The following SLC9C2 variants were observed in gnomAD, a reference collection of about 807,000 sequenced individuals.
SLC9C2 encodes the protein solute carrier family 9 member C2 (putative).
A neutral mutation model predicts 140.2 loss-of-function variants in SLC9C2; 75 were observed. The ratio of observed to expected loss-of-function variants is 0.53; its 90% confidence interval spans 0.44 to 0.65. The LOEUF is 0.65. Ranked by LOEUF, SLC9C2 falls within the 30% of genes least tolerant of loss-of-function variation. The pLI, the probability that SLC9C2 is intolerant of heterozygous loss-of-function variation, is 0.00. For synonymous variants in SLC9C2, 375 were observed against 420.9 expected, an observed-to-expected ratio of 0.89 and a Z score of 1.34; for missense variants, 1,074 against 1,331.8, an observed-to-expected ratio of 0.81 and a Z score of 3.01.
intron 22 of SLC9C2, among the ~76,000 whole-genome samples, chr1:173,518,965 G>A (rs574834654): frequency 1.2e-4 from 19 of 152,176 alleles, no homozygotes; most frequent in African/African-American, 3.6e-4. Context: ...CTGCAGTGAA[G>A]GGACTTTGTA....
At chr1:173,540,317 C>T (rs532632954) in intron 13 of SLC9C2, among the ~76,000 whole-genome samples, 3 of 152,346 alleles carry the variant, frequency 2.0e-5, no homozygotes, top group African/African-American at 7.2e-5. Flanking sequence ...ACAATAGAAT[C>T]ACCTGGATTG....
chr1:173,546,335 C>A (rs1422943957), intron 13 of SLC9C2, among the ~76,000 whole-genome samples: 3 of 152,150 alleles, frequency 2.0e-5, no homozygotes, highest in African/African-American at 7.2e-5. Context: ...AAGTTTGAGA[C>A]CAACCTGGCC....
At chr1:173,565,924 A>G (rs1460201246) in intron 9 of SLC9C2, among the ~76,000 whole-genome samples, 2 of 152,098 alleles carry the variant, frequency 1.3e-5, no homozygotes, top group Non-Finnish European at 2.9e-5. Flanking sequence ...TTCATCATCA[A>G]TTGAAATGAT....
intron 13 of SLC9C2, among the ~76,000 whole-genome samples, chr1:173,539,115 T>G (rs992970308): frequency 2.0e-5 from 3 of 152,208 alleles, no homozygotes; most frequent in African/African-American, 7.2e-5. Flanking sequence ...CCAAACTAAT[T>G]TGAGCATGGA....
intron 27 of SLC9C2, among the ~76,000 whole-genome samples, chr1:173,502,794 G>C (rs1034365358): frequency 2.6e-5 from 4 of 152,116 alleles, no homozygotes; most frequent in Non-Finnish European, 4.4e-5. Flanking sequence ...TAACCTACCA[G>C]TTAAATGAGT....
chr1:173,556,806 T>TG (rs1663737878), intron 10 of SLC9C2, among the ~76,000 whole-genome samples: 1 of 151,698 alleles, frequency 6.6e-6, no homozygotes, highest in Non-Finnish European at 1.5e-5. Flanking sequence ...TGCACACCTG[T>TG]AATCCCAGCT....
At chr1:173,502,004 T>C (rs1463158856) in intron 27 of SLC9C2, among the ~76,000 whole-genome samples, 1 of 152,054 alleles carries the variant, frequency 6.6e-6, no homozygotes, top group Non-Finnish European at 1.5e-5. Context: ...CTGGGCGCGG[T>C]GGCTCACGCC....
intron 13 of SLC9C2, among the ~76,000 whole-genome samples, chr1:173,540,464 A>G (rs1474888732): frequency 2.6e-5 from 4 of 152,218 alleles, no homozygotes; most frequent in Admixed American, 6.5e-5. Flanking sequence ...AAATTAAAAC[A>G]TACTGCATTA....
intron 13 of SLC9C2, among the ~76,000 whole-genome samples, chr1:173,543,883 A>G (rs2102038807): frequency 6.6e-6 from 1 of 152,358 alleles, no homozygotes; most frequent in Admixed American, 6.5e-5. Context: ...TAAATGTTAG[A>G]CCTAAAAACC....
At chr1:173,507,309 C>T (rs996674618) in intron 24 of SLC9C2, among the ~76,000 whole-genome samples, 1 of 151,292 alleles carries the variant, frequency 6.6e-6, no homozygotes, top group Non-Finnish European at 1.5e-5. Flanking sequence ...TTGGCTATGA[C>T]TCAGGAGATT....
intron 22 of SLC9C2, among the ~76,000 whole-genome samples, chr1:173,519,314 C>T (rs964491931): frequency 6.6e-6 from 1 of 151,970 alleles, no homozygotes; most frequent in Non-Finnish European, 1.5e-5. Context: ...GTTCAATAGC[C>T]GTAAAGAATA....
intron 23 of SLC9C2, among the ~76,000 whole-genome samples, chr1:173,515,846 G>T (rs1269700645): frequency 1.3e-5 from 2 of 152,174 alleles, no homozygotes; most frequent in African/African-American, 4.8e-5. Flanking sequence ...TGGGGTTTTT[G>T]TGGGGACTTT....
At chr1:173,573,538 T>C (rs1000721592) in intron 8 of SLC9C2, among the ~76,000 whole-genome samples, 2 of 152,092 alleles carry the variant, frequency 1.3e-5, no homozygotes, top group Admixed American at 6.5e-5. Context: ...CCAATACCCA[T>C]GGGCTGCTTC....
chr1:173,518,784 TG>T (rs1042372229), intron 22 of SLC9C2, among the ~76,000 whole-genome samples: 7 of 152,206 alleles, frequency 4.6e-5, no homozygotes, highest in East Asian at 1.9e-4. Flanking sequence ...AGTTTGAATT[TG>T]TTTTTAATGG....
intron 6 of SLC9C2, 141 bp from the exon 7 acceptor site, chr1:173,582,149 G>T: frequency 1.8e-6 from 1 of 561,256 alleles, no homozygotes; most frequent in Non-Finnish European, 3.0e-6. Flanking sequence ...AAATAGGAGT[G>T]TCTTGTGAAA....
intron 7 of SLC9C2, among the ~76,000 whole-genome samples, chr1:173,578,119 T>C (rs1226590496): frequency 6.6e-6 from 1 of 152,210 alleles, no homozygotes; most frequent in Non-Finnish European, 1.5e-5. Context: ...ATTATCTCCA[T>C]TCCCCCAAAA....
At chr1:173,520,260 G>T (rs544236775) in intron 22 of SLC9C2, among the ~76,000 whole-genome samples, 1 of 152,268 alleles carries the variant, frequency 6.6e-6, no homozygotes, top group East Asian at 1.9e-4. Context: ...TAGAGACAGG[G>T]TTTTGCCATG....
chr1:173,566,167 T>C (rs1319680310), intron 9 of SLC9C2, among the ~76,000 whole-genome samples: 1 of 152,188 alleles, frequency 6.6e-6, no homozygotes, highest in Non-Finnish European at 1.5e-5. Flanking sequence ...TTGTCTGGTG[T>C]TGGTATCAGG....
At chr1:173,577,898 T>C (rs1378296139) in intron 7 of SLC9C2, among the ~76,000 whole-genome samples, 1 of 152,142 alleles carries the variant, frequency 6.6e-6, no homozygotes, top group East Asian at 1.9e-4. Context: ...TTAACTGAAT[T>C]TACTTTAAAT....
Sources: gnomAD v4.1 joint callset for allele counts (sites outside exome capture counted in the v4.1 genomes callset) on GRCh38, gnomAD v4.1.1 for gene constraint, MANE v1.5 for transcripts, NCBI Gene and HGNC (gene_info 2026-07-23, HGNC 2026-07-21) for gene names.